NGEF: variants seen among roughly 807,000 people sequenced by gnomAD.
NGEF encodes the protein neuronal guanine nucleotide exchange factor.
A neutral mutation model predicts 80.9 loss-of-function variants in NGEF; 31 were observed. That is an observed-to-expected ratio of 0.38 (90% CI 0.29 to 0.52). The LOEUF (loss-of-function observed/expected upper bound fraction) is 0.52, where lower values mean the gene tolerates loss of function less well. Ranked by LOEUF, NGEF falls within the 20% of genes least tolerant of loss-of-function variation. The pLI is 0.84. For synonymous variants in NGEF, 371 were observed against 370.2 expected (o/e 1.00, Z -0.03); for missense variants, 709 against 926.2 (o/e 0.77, Z 3.04).
intron 5 of NGEF, among the ~76,000 whole-genome samples, chr2:232,904,126 G>T (rs529878883): frequency 1.6e-4 from 24 of 152,054 alleles, no homozygotes; most frequent in Non-Finnish European, 1.0e-4. Flanking sequence ...CTTGCTTCTC[G>T]CTCCCCAGCA....
chr2:232,996,859 A>G (rs1156420208), intron 1 of NGEF, among the ~76,000 whole-genome samples: 4 of 152,186 alleles, frequency 2.6e-5, no homozygotes, highest in African/African-American at 9.7e-5. Context: ...TAAAGAGCCC[A>G]TGTTAAGTGT....
chr2:232,934,405 T>G (rs1416749304), intron 3 of NGEF, among the ~76,000 whole-genome samples: 1 of 151,954 alleles, frequency 6.6e-6, no homozygotes, highest in Non-Finnish European at 1.5e-5. Context: ...CTTTTTTTTT[T>G]TAAAGAAAAT....
At chr2:232,943,548 T>C (rs1020466088) in intron 3 of NGEF, among the ~76,000 whole-genome samples, 2 of 122,536 alleles carry the variant, frequency 1.6e-5, no homozygotes, top group Non-Finnish European at 1.9e-5. Flanking sequence ...CAGGCTGGAG[T>C]GCAGTGGCGC....
At chr2:232,955,138 T>C (rs1161516015) in intron 3 of NGEF, among the ~76,000 whole-genome samples, 2 of 152,168 alleles carry the variant, frequency 1.3e-5, no homozygotes, top group African/African-American at 4.8e-5. Flanking sequence ...TCCTTCAAGA[T>C]ATTAATTGTT....
At chr2:232,967,524 A>G (rs1281650236) in intron 3 of NGEF, among the ~76,000 whole-genome samples, 1 of 152,042 alleles carries the variant, frequency 6.6e-6, no homozygotes, top group Non-Finnish European at 1.5e-5. Flanking sequence ...TAGAAGAGAC[A>G]GGGTTTTGTC....
At chr2:232,940,091 C>T (rs1412376209) in intron 3 of NGEF, among the ~76,000 whole-genome samples, 5 of 152,014 alleles carry the variant, frequency 3.3e-5, no homozygotes, top group South Asian at 2.1e-4. Context: ...ACAGGTGTGA[C>T]GTGCCACTAA....
At chr2:232,936,004 C>T (rs1190735785) in intron 3 of NGEF, among the ~76,000 whole-genome samples, 2 of 152,132 alleles carry the variant, frequency 1.3e-5, no homozygotes, top group African/African-American at 4.8e-5. Context: ...AGAGGCAGAA[C>T]CAGCAGTCGA....
chr2:232,912,356 T>G (rs1692707468), intron 5 of NGEF, among the ~76,000 whole-genome samples: 1 of 152,222 alleles, frequency 6.6e-6, no homozygotes, highest in African/African-American at 2.4e-5. Context: ...ATTCCCAGGA[T>G]GAACTCCACT....
At chr2:233,007,336 G>T (rs1574668164) in intron 1 of NGEF, among the ~76,000 whole-genome samples, 1 of 152,148 alleles carries the variant, frequency 6.6e-6, no homozygotes, top group East Asian at 1.9e-4. Flanking sequence ...ATTTGGAGGG[G>T]GAACAAAGGT....
chr2:232,940,889 A>T (rs1201510176), intron 3 of NGEF, among the ~76,000 whole-genome samples: 1 of 149,574 alleles, frequency 6.7e-6, no homozygotes, highest in Admixed American at 6.7e-5. Context: ...CTCCTTTCGT[A>T]ACTGGCCAAG....
chr2:232,951,687 C>A (rs1209448650), intron 3 of NGEF, among the ~76,000 whole-genome samples: 1 of 152,156 alleles, frequency 6.6e-6, no homozygotes, highest in Non-Finnish European at 1.5e-5. Flanking sequence ...TTCCTCAGTG[C>A]ACATCGCTTG....
chr2:232,979,375 CACACACACACACACACACACAG>C (rs939786333), intron 1 of NGEF, among the ~76,000 whole-genome samples: 5 of 96,686 alleles, frequency 5.2e-5, no homozygotes, highest in African/African-American at 2.7e-4. Flanking sequence ...CACACACACA[CACACACACACACACACACACAG>C]GAAGAGATTG....
chr2:232,940,393 C>T (rs565310670), intron 3 of NGEF, among the ~76,000 whole-genome samples: 187 of 152,272 alleles, frequency 1.2e-3, no homozygotes, highest in Non-Finnish European at 2.1e-3. Context: ...CCCCTGGGGG[C>T]GGGAGTGTGA....
intron 14 of NGEF, 51 bp downstream of exon 14, chr2:232,881,094 CT>C: frequency 6.8e-7 from 1 of 1,465,322 alleles, no homozygotes; most frequent in South Asian, 1.1e-5. Flanking sequence ...CCCGTCATCC[CT>C]TGTGGGGCAA....
intron 1 of NGEF, among the ~76,000 whole-genome samples, chr2:232,976,885 A>G (rs1694305308): frequency 6.6e-6 from 1 of 152,104 alleles, no homozygotes. Context: ...AGTGTGCACT[A>G]TGGGGTCGGT....
chr2:232,956,785 A>G (rs1352235137), intron 3 of NGEF, among the ~76,000 whole-genome samples: 11 of 79,980 alleles, frequency 1.4e-4, no homozygotes, highest in Admixed American at 1.2e-3. Flanking sequence ...TCCATCTAAA[A>G]AAAAAAAAAA....
chr2:232,955,105 C>G (rs562782081), intron 3 of NGEF, among the ~76,000 whole-genome samples: 1 of 152,168 alleles, frequency 6.6e-6, no homozygotes, highest in Admixed American at 6.5e-5. Context: ...TGGGAGTCTC[C>G]CTCCAGAGCT....
intron 1 of NGEF, among the ~76,000 whole-genome samples, chr2:232,995,516 T>C (rs1444040645): frequency 0.012 from 193 of 16,330 alleles, 73 homozygotes; most frequent in Non-Finnish European, 0.022. Flanking sequence ...ATACTGTATA[T>C]ATATACAGTA....
In NGEF at chr2:232,881,187, T is replaced by A; in HGVS notation, c.1901A>T (p.Glu634Val). 6.2e-7 allele frequency: 1 copy of A among 1,612,052 alleles called. No individual in the cohort carries two copies. ...VAQQPDELTL[E>V]LADILNILDK... is the part of the protein sequence containing the mutation. ...CAGGATGTTGAGGATGTCGGCGAGCTCCAGCGTCAGCTCGTCTGGCTGCTG... is the reference window on the plus strand; with the variant it reads ...CAGGATGTTGAGGATGTCGGCGAGCACCAGCGTCAGCTCGTCTGGCTGCTG... The change falls in exon 14 of 15, where the codon GAG becomes GTG. Residue 634 changes from glutamate to valine, a missense_variant. Around this residue, in one of 2 missense-constraint regions of NGEF, gnomAD observed 426 missense variants for 622.9 expected, o/e 0.68. Coordinates refer to ENST00000264051, the MANE Select transcript of NGEF (RefSeq NM_019850.3).
Sources: allele counts gnomAD v4.1 joint callset (sites outside exome capture counted in the v4.1 genomes callset), GRCh38; gene constraint gnomAD v4.1.1; regional missense constraint gnomAD v4.1.1; transcripts MANE v1.5; gene names NCBI Gene and HGNC (gene_info 2026-07-23, HGNC 2026-07-21).